The following PLCB1 variants were observed in gnomAD, a reference collection of about 807,000 sequenced individuals.
PLCB1 encodes the protein phospholipase C beta 1.
A neutral mutation model predicts 161.8 loss-of-function variants in PLCB1; 46 were observed. The ratio of observed to expected loss-of-function variants is 0.28; its 90% confidence interval spans 0.22 to 0.36. The LOEUF is 0.36. PLCB1 is among the 10% of genes least tolerant of loss of function. The pLI is 1.00. For missense variants in PLCB1, 1,016 were observed against 1,472.5 expected, an observed-to-expected ratio of 0.69 and a Z score of 5.07; for synonymous variants, 517 against 503.7, an observed-to-expected ratio of 1.03 and a Z score of -0.35.
At chr20:8,260,956 G>T (rs138843743) in intron 2 of PLCB1, among the ~76,000 whole-genome samples, 7 of 152,120 alleles carry the variant, frequency 4.6e-5, no homozygotes, top group Admixed American at 1.3e-4. Flanking sequence ...CATGGTCAGC[G>T]ACCGAAAAAT....
At chr20:8,854,557 G>C (rs1987003477) in intron 31 of PLCB1, among the ~76,000 whole-genome samples, 1 of 152,162 alleles carries the variant, frequency 6.6e-6, no homozygotes, top group Non-Finnish European at 1.5e-5. Flanking sequence ...TTTTTTGCAA[G>C]GGGAGGGGAG....
chr20:8,737,038 G>A lies in PLCB1; in HGVS notation c.2054G>A (p.Gly685Asp). The change falls in exon 20 of 32, where the codon GGT becomes GAT. Residue 685 changes from glycine to aspartate, a missense_variant. This residue lies in a region of PLCB1 where 67 missense variants were observed against 195.6 expected (regional missense o/e 0.34). Coordinates refer to ENST00000338037, the MANE Select transcript of PLCB1 (RefSeq NM_015192.4). ...TTATTGATTTTCTAGATTATTTCAG[G>A]TCAGTTTCTTTCTGATAAGAAAGTT... ...ANTLSVKIIS[G>D]QFLSDKKVGT... The A allele has an allele frequency of 6.2e-7, 1 of 1,611,048 alleles. No individual in the cohort carries two copies. The highest frequency in any genetic ancestry group is 8.5e-7 in the Non-Finnish European group (1 of 1,177,666).
chr20:8,356,303 A>G (rs188036876), intron 2 of PLCB1, among the ~76,000 whole-genome samples: 24 of 152,324 alleles, frequency 1.6e-4, no homozygotes, highest in African/African-American at 5.8e-4. Context: ...ACTTAAAAGT[A>G]TATCAGAATC....
rs891791653 is a variant in PLCB1 at position 8,587,521 on chromosome 20, G to A, written c.247-40773G>A. On this transcript the variant is annotated intron_variant, in intron 3 of 31. Transcript: ENST00000338037. The stretch of plus-strand genomic sequence containing the variant: ...GAAAGAAAAACAGGAAAGCAGATGC[G>A]AGAGCAAAACCATTCCTTACTGAAG... 2.6e-5 allele frequency among the ~76,000 whole-genome samples: 4 copies of A among 152,176 alleles called. No individual in the cohort carries two copies. In the East Asian group the frequency reaches 7.7e-4, roughly 29 times the overall value.
At chr20:8,541,602 A>G (rs1019955624) in intron 3 of PLCB1, among the ~76,000 whole-genome samples, 1 of 150,934 alleles carries the variant, frequency 6.6e-6, no homozygotes. Context: ...GAAAGAAAGA[A>G]AGAAAGGAAG....
chr20:8,573,178 C>T (rs1986574666), intron 3 of PLCB1, among the ~76,000 whole-genome samples: 1 of 152,120 alleles, frequency 6.6e-6, no homozygotes, highest in Non-Finnish European at 1.5e-5. Context: ...TTGAAAGCTA[C>T]TGAGATGTCA....
chr20:8,764,842 C>T (rs1982230689), intron 25 of PLCB1, among the ~76,000 whole-genome samples: 1 of 152,136 alleles, frequency 6.6e-6, no homozygotes, highest in East Asian at 1.9e-4. Context: ...TCTGAGAGTC[C>T]CTCAGTAAAT....
intron 4 of PLCB1, among the ~76,000 whole-genome samples, chr20:8,630,769 A>G (rs1988560560): frequency 6.6e-6 from 1 of 152,222 alleles, no homozygotes; most frequent in African/African-American, 2.4e-5. Context: ...GCTTTCAGGG[A>G]AGCTTTTGCT....
At chr20:8,525,496 CTA>C (rs1491167645) in intron 3 of PLCB1, among the ~76,000 whole-genome samples, 2 of 152,140 alleles carry the variant, frequency 1.3e-5, no homozygotes, top group Non-Finnish European at 2.9e-5. Context: ...TAATTTCACA[CTA>C]AAAAACTGTA....
At chr20:8,876,946 A>G (rs1987802518) in intron 31 of PLCB1, among the ~76,000 whole-genome samples, 1 of 152,092 alleles carries the variant, frequency 6.6e-6, no homozygotes, top group Non-Finnish European at 1.5e-5. Context: ...ACCAAATAAC[A>G]AGGCCTCCCC....
At chr20:8,775,100 A>G (rs1206523503) in intron 27 of PLCB1, among the ~76,000 whole-genome samples, 2 of 104,156 alleles carry the variant, frequency 1.9e-5, no homozygotes, top group East Asian at 5.4e-4. Flanking sequence ...TTTTTTTGGT[A>G]GCACTGGGCT....
intron 3 of PLCB1, among the ~76,000 whole-genome samples, chr20:8,391,163 AGATT>A (rs1426565841): frequency 6.6e-6 from 1 of 152,078 alleles, no homozygotes; most frequent in Non-Finnish European, 1.5e-5. Flanking sequence ...TTATATATAT[AGATT>A]GTCACTATAA....
At chr20:8,697,385 T>A (rs555420954) in intron 10 of PLCB1, among the ~76,000 whole-genome samples, 6 of 152,370 alleles carry the variant, frequency 3.9e-5, no homozygotes, top group African/African-American at 1.4e-4. Context: ...TGGTAAATAG[T>A]TAATAAACAT....
chr20:8,313,346 G>A (rs140544350), intron 2 of PLCB1, among the ~76,000 whole-genome samples: 1 of 152,068 alleles, frequency 6.6e-6, no homozygotes, highest in Non-Finnish European at 1.5e-5. Flanking sequence ...AGACAATGAA[G>A]CTACATGGTT....
At chr20:8,487,986 C>T (rs1193171563) in intron 3 of PLCB1, among the ~76,000 whole-genome samples, 1 of 152,106 alleles carries the variant, frequency 6.6e-6, no homozygotes, top group East Asian at 1.9e-4. Context: ...GGGATCTATG[C>T]CAGCACTGTC....
intron 25 of PLCB1, among the ~76,000 whole-genome samples, chr20:8,762,467 T>C (rs1450318653): frequency 6.6e-6 from 1 of 152,226 alleles, no homozygotes; most frequent in Non-Finnish European, 1.5e-5. Flanking sequence ...ACAGACTTTT[T>C]AAAAATAATA....
intron 3 of PLCB1, among the ~76,000 whole-genome samples, chr20:8,522,531 TCAAG>T (rs1458337584): frequency 6.6e-6 from 1 of 151,996 alleles, no homozygotes; most frequent in Non-Finnish European, 1.5e-5. Flanking sequence ...ACACACGTGG[TCAAG>T]CAGAATGCAA....
At chr20:8,402,344 T>G (rs1186567346) in intron 3 of PLCB1, among the ~76,000 whole-genome samples, 1 of 152,180 alleles carries the variant, frequency 6.6e-6, no homozygotes, top group Non-Finnish European at 1.5e-5. Flanking sequence ...AGGTTGTCTT[T>G]TGTATTCCTT....
chr20:8,521,192 C>G (rs1984334869), intron 3 of PLCB1, among the ~76,000 whole-genome samples: 1 of 151,966 alleles, frequency 6.6e-6, no homozygotes, highest in South Asian at 2.1e-4. Context: ...GTTACTTGTT[C>G]TTGAATTTCA....
Sources: allele counts gnomAD v4.1 joint callset (sites outside exome capture counted in the v4.1 genomes callset), GRCh38; gene constraint gnomAD v4.1.1; regional missense constraint gnomAD v4.1.1; transcripts MANE v1.5; gene names NCBI Gene and HGNC (gene_info 2026-07-23, HGNC 2026-07-21).